Variants in UBE2E2 observed in about 807,000 individuals in gnomAD.
UBE2E2 encodes the protein ubiquitin conjugating enzyme E2 E2.
A neutral mutation model predicts 24.7 loss-of-function variants in UBE2E2; 6 were observed. The ratio of observed to expected loss-of-function variants is 0.24; its 90% CI spans 0.13 to 0.48. UBE2E2 has a LOEUF of 0.48. UBE2E2 is among the 20% of genes least tolerant of loss of function. UBE2E2 has a pLI of 0.99. For synonymous variants in UBE2E2, 104 were observed against 83.6 expected (o/e 1.24, Z -1.33); for missense variants, 169 against 245.0 (o/e 0.69, Z 2.07).
At chr3:23,562,332 G>A (rs1695954592) in intron 5 of UBE2E2, among the ~76,000 whole-genome samples, 1 of 152,046 alleles carries the variant, frequency 6.6e-6, no homozygotes, top group African/African-American at 2.4e-5. Flanking sequence ...ATAATCATGT[G>A]GTTTTTGTCT....
intron 3 of UBE2E2, among the ~76,000 whole-genome samples, chr3:23,477,460 A>G (rs1472245807): frequency 3.3e-5 from 5 of 152,160 alleles, no homozygotes; most frequent in Admixed American, 1.3e-4. Flanking sequence ...TTACATGTAT[A>G]CTTGTTTATT....
chr3:23,439,165 G>C (rs1162165064), intron 3 of UBE2E2, among the ~76,000 whole-genome samples: 8 of 152,164 alleles, frequency 5.3e-5, no homozygotes, highest in African/African-American at 2.4e-5. Flanking sequence ...ATGATGTTTT[G>C]CTTTTAACAT....
At chr3:23,225,701 T>C (rs1222623277) in intron 3 of UBE2E2, among the ~76,000 whole-genome samples, 1 of 152,188 alleles carries the variant, frequency 6.6e-6, no homozygotes, top group Non-Finnish European at 1.5e-5. Context: ...TACTATAGTT[T>C]TACTGAGTTT....
chr3:23,251,815 A>T (rs893527060), intron 3 of UBE2E2, among the ~76,000 whole-genome samples: 1 of 152,232 alleles, frequency 6.6e-6, no homozygotes, highest in Admixed American at 6.5e-5. Flanking sequence ...TCCAAAAAAC[A>T]TGGCTAGGGT....
At chr3:23,430,270 A>G (rs1231295169) in intron 3 of UBE2E2, among the ~76,000 whole-genome samples, 1 of 152,176 alleles carries the variant, frequency 6.6e-6, no homozygotes, top group East Asian at 1.9e-4. Flanking sequence ...ATTTGTGAAG[A>G]AAGTCTCATT....
At chr3:23,207,321 T>G (rs1232754759) in intron 1 of UBE2E2, among the ~76,000 whole-genome samples, 1 of 152,092 alleles carries the variant, frequency 6.6e-6, no homozygotes, top group Non-Finnish European at 1.5e-5. Context: ...TACCTAAATA[T>G]CAAGGTATTG....
intron 3 of UBE2E2, among the ~76,000 whole-genome samples, chr3:23,478,668 A>T (rs1044766627): frequency 6.6e-6 from 1 of 152,192 alleles, no homozygotes; most frequent in Non-Finnish European, 1.5e-5. Flanking sequence ...TCTTTACTAA[A>T]ATAGCAAATT....
At chr3:23,530,573 A>G (rs1695099565) in intron 4 of UBE2E2, among the ~76,000 whole-genome samples, 1 of 152,202 alleles carries the variant, frequency 6.6e-6, no homozygotes, top group South Asian at 2.1e-4. Flanking sequence ...TAGTGTTTAC[A>G]CAGTATATGT....
chr3:23,489,574 G>A (rs2125448423), intron 3 of UBE2E2, among the ~76,000 whole-genome samples: 1 of 152,316 alleles, frequency 6.6e-6, no homozygotes, highest in African/African-American at 2.4e-5. Context: ...TAAGTGCAGA[G>A]GTCAAGGAAG....
intron 3 of UBE2E2, among the ~76,000 whole-genome samples, chr3:23,272,971 C>G (rs1181481254): frequency 6.6e-6 from 1 of 152,058 alleles, no homozygotes; most frequent in African/African-American, 2.4e-5. Flanking sequence ...TTTTAGTTCT[C>G]TTCAGGCCAT....
At chr3:23,522,586 C>G (rs1694894834) in intron 4 of UBE2E2, among the ~76,000 whole-genome samples, 1 of 151,522 alleles carries the variant, frequency 6.6e-6, no homozygotes, top group African/African-American at 2.4e-5. Flanking sequence ...TTTTTTTTAA[C>G]CCATTGAGAA....
rs533157104 is a variant in UBE2E2 at position 23,267,302 on chromosome 3, C to T, written c.227+49990C>T. ...GAAAGGATCAACAAAATTGATAGAC[C>T]GCTAGCAAGACTAATAAAGAAGAAA... is the stretch of plus-strand genomic sequence containing the variant. On this transcript the variant is annotated intron_variant, in intron 3 of 5. Transcript: ENST00000396703. Among the ~76,000 whole-genome samples the T allele has an allele frequency of 3.5e-3, 530 of 151,688 alleles. 1 individual carries two copies. The highest frequency in any genetic ancestry group is 5.3e-3 in the Non-Finnish European group (358 of 67,892).
chr3:23,230,794 A>G (rs76215586), intron 3 of UBE2E2, among the ~76,000 whole-genome samples: 1 of 143,954 alleles, frequency 6.9e-6, no homozygotes, highest in Admixed American at 6.9e-5. Flanking sequence ...CTCAAAAAGA[A>G]AAAAAAAAAA....
chr3:23,414,611 C>A (rs893239305), intron 3 of UBE2E2, among the ~76,000 whole-genome samples: 2 of 152,184 alleles, frequency 1.3e-5, no homozygotes, highest in Non-Finnish European at 2.9e-5. Context: ...GATCAGTCAT[C>A]AGGATCTTCT....
chr3:23,573,145 G>A (rs780601679), intron 5 of UBE2E2, among the ~76,000 whole-genome samples: 1 of 152,062 alleles, frequency 6.6e-6, no homozygotes, highest in East Asian at 1.9e-4. Flanking sequence ...TAAAGCAAAA[G>A]ACAAATTATT....
chr3:23,446,487 T>G (rs1698432383), intron 3 of UBE2E2, among the ~76,000 whole-genome samples: 1 of 152,184 alleles, frequency 6.6e-6, no homozygotes, highest in Non-Finnish European at 1.5e-5. Context: ...AGTGAGATCG[T>G]AAGAGTTAAC....
rs113777596 is a variant in UBE2E2, at chr3:23,466,780, G to C, written c.228-32828G>C. Among the ~76,000 whole-genome samples the C allele has an allele frequency of 2.5e-3, 378 of 152,022 alleles. 3 individuals are homozygous for C. Among genetic ancestry groups the C allele is most frequent in the African/African-American group, 8.7e-3 (362 of 41,418 alleles). On this transcript the variant is annotated intron_variant, in intron 3 of 5. Coordinates refer to ENST00000396703, the MANE Select transcript of UBE2E2 (RefSeq NM_152653.4). ...GACAGGGTTTCACCATATTGGCCAG[G>C]CTGGTCTCGAACCCCTGACCTTGTG...
At chr3:23,304,915 G>C (rs1053329398) in intron 3 of UBE2E2, among the ~76,000 whole-genome samples, 1 of 151,838 alleles carries the variant, frequency 6.6e-6, no homozygotes, top group Non-Finnish European at 1.5e-5. Flanking sequence ...TCTTACCCAT[G>C]GATGATTTTG....
chr3:23,232,918 A>G (rs1697010087), intron 3 of UBE2E2, among the ~76,000 whole-genome samples: 1 of 152,248 alleles, frequency 6.6e-6, no homozygotes, highest in Non-Finnish European at 1.5e-5. Context: ...AAGGTGACAG[A>G]TTCAGCTGCA....
Sources: gnomAD v4.1 joint callset for allele counts (sites outside exome capture counted in the v4.1 genomes callset) on GRCh38, gnomAD v4.1.1 for gene constraint, MANE v1.5 for transcripts, NCBI Gene and HGNC (gene_info 2026-07-23, HGNC 2026-07-21) for gene names.